Variants in ADGRB2 observed in about 807,000 individuals in gnomAD.
ADGRB2 encodes adhesion G protein-coupled receptor B2, also known as brain-specific angiogenesis inhibitor 2.
Under a neutral mutation model 178.7 loss-of-function variants are expected in ADGRB2, and 47 were observed. The observed-to-expected ratio is 0.26, with a 90% confidence interval of 0.21 to 0.34. The LOEUF (loss-of-function observed/expected upper bound fraction) is 0.34. Among genes scored for constraint, ADGRB2 ranks in the 10% least tolerant of loss-of-function variants. The probability of loss-of-function intolerance (pLI) is 1.00; values close to 1 mark genes in which losing one functional copy is unlikely to be tolerated. For synonymous variants in ADGRB2, 870 were observed against 912.4 expected (o/e 0.95, Z 0.84); for missense variants, 1,584 against 2,180.8 (o/e 0.73, Z 5.45).
chr1:31,737,562 C>G (rs2271931), intron 19 of ADGRB2, 31 bp from the exon 20 acceptor site: 225,912 of 1,611,530 alleles, frequency 0.14, 18,310 homozygotes, highest in South Asian at 0.33. Flanking sequence ...GGGACAGAGG[C>G]GCTGGCTGCC....
chr1:31,744,281 G>T lies in ADGRB2; in HGVS notation c.999C>A (p.Thr333=). The part of the protein sequence containing the change: ...LTCGQGLQVR[T]RSCVSSPYGT... ...CATAGGGGGAGGACACACAGGAGCG[G>T]GTCCGCACCTGCAGACCCTGCCCAC... The change falls in exon 6 of 33, where the codon ACC becomes ACA. Residue 333 remains threonine (T), a synonymous_variant. Transcript: ENST00000373658. This position sits in a 1 kb window ranked among gnomAD's most constrained non-coding sequence, Gnocchi z 6.7. 6.4e-7 allele frequency: 1 copy of T among 1,551,392 alleles called. No homozygotes were observed. Among genetic ancestry groups the T allele is most frequent in the Non-Finnish European group, 8.7e-7 (1 of 1,146,894 alleles).
chr1:31,728,425 G>A lies in ADGRB2; in HGVS notation c.4417-145C>T. ...AAGACCTAGTTCTCTCTTCACGTTG[G>A]TGCTATGGGCTTGGGCAGGGAGGGA... is the stretch of plus-strand genomic sequence containing the variant. On this transcript the variant is annotated intron_variant, in intron 30 of 32. Transcript: ENST00000373658. This position sits in a 1 kb window ranked among gnomAD's most constrained non-coding sequence, Gnocchi z 6.7. The A allele has an allele frequency of 1.5e-6, 2 of 1,332,538 alleles. No individual in the cohort carries two copies. The highest frequency in any genetic ancestry group is 2.1e-6 in the Non-Finnish European group (2 of 935,256). The allele number at this position is 1,332,538 out of a possible 1,614,324, so 82.5% of individuals were successfully genotyped here. A position where few individuals can be genotyped will look rare whatever the true frequency, so the allele number is the denominator to read the frequency against.
chr1:31,745,320 A>T (rs1646217439), intron 4 of ADGRB2, among the ~76,000 whole-genome samples: 1 of 151,870 alleles, frequency 6.6e-6, no homozygotes, highest in African/African-American at 2.4e-5. Context: ...TCAGAATGCC[A>T]CTCCTCTGAG....
At position 31,727,734 on chromosome 1, in the gene ADGRB2, G is replaced by T; in HGVS notation, c.4573-129C>A. 9.2e-7 allele frequency: 1 copy of T among 1,084,486 alleles called. No individual in the cohort carries two copies. Among genetic ancestry groups the T allele is most frequent in the Non-Finnish European group, 1.3e-6 (1 of 785,776 alleles). The allele number at this position is 1,084,486 out of a possible 1,614,324, so 67.2% of individuals were successfully genotyped here. A position where few individuals can be genotyped will look rare whatever the true frequency, so the allele number is the denominator to read the frequency against. On this transcript the variant is annotated intron_variant, in intron 32 of 32. Transcript: ENST00000373658. This position sits in a 1 kb window ranked among gnomAD's most constrained non-coding sequence, Gnocchi z 4.4. ...TTATGGAGCAATCAGGTGTCAAGCA[G>T]AATTCAAATACAGACCTGCCTGGTT...
rs1177926526 is a variant in ADGRB2, at chr1:31,756,549, G to A, written c.288C>T (p.Arg96=). ...QEQVCAHFAP[R]LLPLDHYLVN... ...CCAGGTAGTGGTCCAGGGGCAGCAGGCGGGGGGCAAAGTGTGCGCACACCT... is the reference window on the plus strand; with the variant it reads ...CCAGGTAGTGGTCCAGGGGCAGCAGACGGGGGGCAAAGTGTGCGCACACCT... Residue 96 remains arginine, a synonymous_variant, in exon 4 of 33, where the codon CGC becomes CGT. Transcript: ENST00000373658. This position sits in a 1 kb window ranked among gnomAD's most constrained non-coding sequence, Gnocchi z 8.5. 3 of 1,613,386 alleles carry A rather than the reference G, an allele frequency of 1.9e-6. No homozygotes were observed. The highest frequency in any genetic ancestry group is 4.5e-5 in the East Asian group (2 of 44,862).
rs1283952245 is a variant in ADGRB2 at position 31,728,027 on chromosome 1, T to C, written c.4570A>G (p.Thr1524Ala). 2.6e-6 allele frequency: 4 copies of C among 1,566,314 alleles called. No individual in the cohort carries two copies. The Admixed American group carries it at 7.4e-5, about 29-fold the overall frequency. The part of the protein sequence containing the change: ...SGGAAERSVC[T>A]DKPSPGERPS... ...CCACCCAGCCCGGGGGGACTCACGG[T>C]GCACACGCTCCGCTCGGCTGCCCCA... The change falls in exon 32 of 33, where the codon ACC becomes GCC. Residue 1524 changes from threonine to alanine, a missense_variant and splice_region_variant. Physicochemically the swap from Thr to Ala is moderately conservative, Grantham distance 58 (BLOSUM62 0). Coordinates refer to ENST00000373658, the MANE Select transcript of ADGRB2 (RefSeq NM_001364857.2). This position sits in a 1 kb window ranked among gnomAD's most constrained non-coding sequence, Gnocchi z 6.7.
rs148879371 is a variant in ADGRB2, at chr1:31,733,731, C to T, written c.3453-588G>A. ...ACACAGAGAAGACGCCAGGCTCCCACGGACTGCTCAGAGCCTTGGGCAGAA... is the reference window on the plus strand; with the variant it reads ...ACACAGAGAAGACGCCAGGCTCCCATGGACTGCTCAGAGCCTTGGGCAGAA... On this transcript the variant is annotated intron_variant, in intron 25 of 32. Coordinates refer to ENST00000373658, the MANE Select transcript of ADGRB2 (RefSeq NM_001364857.2). This position sits in a 1 kb window ranked among gnomAD's most constrained non-coding sequence, Gnocchi z 4.3. Among the ~76,000 whole-genome samples, 103 of 152,212 alleles carry T rather than the reference C, an allele frequency of 6.8e-4. No homozygotes were observed. The highest frequency in any genetic ancestry group is 2.4e-3 in the African/African-American group (100 of 41,530).
intron 21 of ADGRB2, 62 bp from the exon 22 acceptor site, chr1:31,736,452 C>A: frequency 1.9e-6 from 3 of 1,607,536 alleles, no homozygotes; most frequent in Non-Finnish European, 2.6e-6. Flanking sequence ...CTTGTTCTCC[C>A]AGACTCCCAT....
At chr1:31,739,067 G>C in intron 15 of ADGRB2, 130 bp from the exon 16 acceptor site, 1 of 902,482 alleles carries the variant, frequency 1.1e-6, no homozygotes, top group South Asian at 1.7e-5. Flanking sequence ...CTAACTCAGT[G>C]GGGTCCAGGA....
In ADGRB2 at chr1:31,728,499, G is replaced by C; in HGVS notation, c.4416+99C>G. 6.4e-7 allele frequency: 1 copy of C among 1,559,058 alleles called. No homozygotes were observed. Among genetic ancestry groups the C allele is most frequent in the Non-Finnish European group, 8.8e-7 (1 of 1,130,470 alleles). On this transcript the variant is annotated intron_variant, in intron 30 of 32. Transcript: ENST00000373658. This position sits in a 1 kb window ranked among gnomAD's most constrained non-coding sequence, Gnocchi z 6.7. ...CCCCGGGCTTGGGCTCCTGGGGTCA[G>C]GCTCTGCAACAGAGCTTGGACTACT...
chr1:31,732,852 C>T (rs1389566205), intron 26 of ADGRB2, 120 bp downstream of exon 26: 1 of 1,357,484 alleles, frequency 7.4e-7, no homozygotes, highest in East Asian at 2.5e-5. Flanking sequence ...TAAGGGCTGC[C>T]CAGATGGGGC....
At chr1:31,734,155 C>G (rs1161615063) in intron 25 of ADGRB2, among the ~76,000 whole-genome samples, 3 of 152,204 alleles carry the variant, frequency 2.0e-5, no homozygotes, top group Non-Finnish European at 2.9e-5. Context: ...GGAGGTGTAG[C>G]CAAGACTAAG....
chr1:31,759,335 C>T lies in ADGRB2; in HGVS notation c.-190-1824G>A, dbSNP rs1253869701. On this transcript the variant is annotated intron_variant, in intron 1 of 32. Coordinates refer to ENST00000373658, the MANE Select transcript of ADGRB2 (RefSeq NM_001364857.2). The surrounding 1 kb of genome is among the most constrained non-coding windows in gnomAD (Gnocchi z 4.3). ...TGAGAACACACATGAGTATCTGGCC[C>T]TCTGAGGCTCAGCATATGACAGCTA... 1.3e-6 allele frequency: 1 copy of T among 779,708 alleles called. No homozygotes were observed. The highest frequency in any genetic ancestry group is 2.4e-6 in the Non-Finnish European group (1 of 417,948). The allele number at this position is 779,708 out of a possible 1,614,324, so 48.3% of individuals were successfully genotyped here.
At position 31,755,886 on chromosome 1, in the gene ADGRB2, G is replaced by T; in HGVS notation, c.838+113C>A. On this transcript the variant is annotated intron_variant, in intron 4 of 32. Coordinates refer to ENST00000373658, the MANE Select transcript of ADGRB2 (RefSeq NM_001364857.2). The surrounding 1 kb of genome is among the most constrained non-coding windows in gnomAD (Gnocchi z 5.1). ...CAACATTTGGACAAGGCTCAGCAGA[G>T]GGGTGACATCAGTGAACAGCTACAT... is the stretch of plus-strand genomic sequence containing the variant. 1 of 1,402,564 alleles carries T rather than the reference G, an allele frequency of 7.1e-7. No homozygotes were observed. Among genetic ancestry groups the T allele is most frequent in the Non-Finnish European group, 9.7e-7 (1 of 1,033,070 alleles). 86.9% of individuals were successfully genotyped at this position (1,402,564 alleles called of 1,614,324 possible). A position where few individuals can be genotyped will look rare whatever the true frequency, so the allele number is the denominator to read the frequency against.
chr1:31,734,682 A>G (rs1473056975), intron 25 of ADGRB2, among the ~76,000 whole-genome samples: 1 of 151,874 alleles, frequency 6.6e-6, no homozygotes, highest in Admixed American at 6.6e-5. Context: ...ATAATTCTCT[A>G]CCTCTGTGAT....
intron 6 of ADGRB2, among the ~76,000 whole-genome samples, chr1:31,743,887 C>G (rs577384943): frequency 2.6e-5 from 4 of 152,332 alleles, no homozygotes; most frequent in Admixed American, 2.6e-4. Context: ...GGAAAGTGCG[C>G]AAGCTACTGA....
chr1:31,739,912 C>T lies in ADGRB2; in HGVS notation c.2167+14G>A. 1 of 1,611,308 alleles carries T rather than the reference C, an allele frequency of 6.2e-7. No individual in the cohort carries two copies. Among genetic ancestry groups the T allele is most frequent in the Non-Finnish European group, 8.5e-7 (1 of 1,177,474 alleles). ...GCACATTCAGGACCCCCACCCTTGCCTGACTCCTTCTACCTAGATTATCTG... is the reference window on the plus strand; with the variant it reads ...GCACATTCAGGACCCCCACCCTTGCTTGACTCCTTCTACCTAGATTATCTG... On this transcript the variant is annotated intron_variant, in intron 14 of 32. Transcript: ENST00000373658.
At chr1:31,745,006 T>G (rs556391995) in intron 4 of ADGRB2, among the ~76,000 whole-genome samples, 4 of 152,344 alleles carry the variant, frequency 2.6e-5, no homozygotes, top group Non-Finnish European at 5.9e-5. Context: ...TTAAGGGGCA[T>G]GGCTGCCCAT....
Position 31,727,408 on chromosome 1 carries a change from C to T in ADGRB2, c.*12G>A. The T allele has an allele frequency of 6.3e-7, 1 of 1,582,632 alleles. No homozygotes were observed. The highest frequency in any genetic ancestry group is 2.3e-5 in the East Asian group (1 of 43,190). ...TATATATTTATATGCAGTGGGCAGT[C>T]CAGCGTGGCACTCACACCTCTGTCT... On this transcript the variant is annotated 3_prime_UTR_variant, in exon 33 of 33. Coordinates refer to ENST00000373658, the MANE Select transcript of ADGRB2 (RefSeq NM_001364857.2). The surrounding 1 kb of genome is among the most constrained non-coding windows in gnomAD (Gnocchi z 4.4).
Sources: gnomAD v4.1 joint callset for allele counts (sites outside exome capture counted in the v4.1 genomes callset) on GRCh38, gnomAD v4.1.1 for gene constraint, Gnocchi (gnomAD v3.1) non-coding constraint, MANE v1.5 for transcripts, NCBI Gene and HGNC (gene_info 2026-07-23, HGNC 2026-07-21) for gene names.